The following SPATA24 variants were observed in gnomAD, a reference collection of about 807,000 sequenced individuals.
SPATA24 encodes the protein spermatogenesis-associated protein 24.
SPATA24 carries 21 observed loss-of-function variants against 28.9 expected under a neutral mutation model. The ratio of observed to expected loss-of-function variants is 0.73; its 90% confidence interval spans 0.52 to 1.05. The LOEUF (loss-of-function observed/expected upper bound fraction) is 1.05, where lower values mean the gene tolerates loss of function less well. Ranked by LOEUF, SPATA24 falls within the 50% of genes least tolerant of loss-of-function variation. The probability of loss-of-function intolerance (pLI) is 0.00; values close to 1 mark genes in which losing one functional copy is unlikely to be tolerated. For synonymous variants in SPATA24, 76 were observed against 89.9 expected, an observed-to-expected ratio of 0.85 and a Z score of 0.88; for missense variants, 215 against 242.9, an observed-to-expected ratio of 0.88 and a Z score of 0.76.
At chr5:139,392,825 C>T (rs576130548), downstream of SPATA24, 3 of 1,523,114 alleles carry the variant, frequency 2.0e-6, no homozygotes, top group Non-Finnish European at 2.6e-6. This position sits in a 1 kb window ranked among gnomAD's most constrained non-coding sequence, Gnocchi z 5.8. Context: ...GGGCCGCGCG[C>T]TCGCACTCGC....
chr5:139,396,627 C>A (rs1239810305), downstream of SPATA24: 1 of 1,473,362 alleles, frequency 6.8e-7, no homozygotes. Context: ...GCGGTGGTGC[C>A]TACCAGACAA....
downstream of SPATA24, chr5:139,393,971 G>C (rs777761279): frequency 1.3e-6 from 2 of 1,550,596 alleles, no homozygotes; most frequent in Non-Finnish European, 1.7e-6. Flanking sequence ...GGCGGACTCC[G>C]TGCCCTCTGA....
intron 4 of SPATA24, among the ~76,000 whole-genome samples, chr5:139,397,553 CTTT>C (rs757853919): frequency 2.2e-5 from 3 of 135,520 alleles, no homozygotes; most frequent in African/African-American, 9.8e-5. Flanking sequence ...CCTGCTTTCT[CTTT>C]TTTTTTTTTT....
chr5:139,396,762 G>A (rs1758716955), downstream of SPATA24: 7 of 1,551,580 alleles, frequency 4.5e-6, no homozygotes, highest in Non-Finnish European at 5.2e-6. Context: ...GGCAGAGGCT[G>A]GGGATTACAG....
At chr5:139,392,665 A>G, downstream of SPATA24, 1 of 1,399,798 alleles carries the variant, frequency 7.1e-7, no homozygotes, top group Non-Finnish European at 9.3e-7. The surrounding 1 kb of genome is among the most constrained non-coding windows in gnomAD (Gnocchi z 5.8). Flanking sequence ...GCTGGCTTGC[A>G]TCTGAGGGGA....
intron 1 of SPATA24, 68 bp downstream of exon 1, chr5:139,403,876 G>A: frequency 7.4e-7 from 1 of 1,351,526 alleles, no homozygotes. Context: ...ATCGGAACAG[G>A]TTCTGGCCCC....
chr5:139,394,634 A>G (rs1758661904), downstream of SPATA24: 1 of 1,534,206 alleles, frequency 6.5e-7, no homozygotes, highest in Admixed American at 2.0e-5. Flanking sequence ...GCGGCGGGAG[A>G]CGCTGGCCCC....
rs969407832 is a variant in SPATA24, at chr5:139,403,313, G to A, written c.118-620C>T. ...ACTTAGAATGAGAAGTAGATGTGAAGCCAGTTTTATTTCTGAGATGGAGAT... is the reference window on the plus strand; with the variant it reads ...ACTTAGAATGAGAAGTAGATGTGAAACCAGTTTTATTTCTGAGATGGAGAT... On this transcript the variant is annotated intron_variant, in intron 1 of 5. Coordinates refer to ENST00000450845, the MANE Select transcript of SPATA24 (RefSeq NM_194296.2). Among the ~76,000 whole-genome samples, 8 of 152,222 alleles carry A rather than the reference G, an allele frequency of 5.3e-5. No homozygotes were observed. In the South Asian group the frequency reaches 1.7e-3, roughly 31 times the overall value.
rs1030829827 is a variant in SPATA24, at chr5:139,397,130, G to A, written c.399C>T (p.His133=). Residue 133 remains histidine, a synonymous_variant, in exon 5 of 6, where the codon CAC becomes CAT. Transcript: ENST00000450845. ...LITKCNEIES[H]IIKQEDILNG... is the part of the protein sequence containing the mutation. ...TAAGTATATCTTCTTGCTTTATAATGTGAGACTCAATCTCTGTGGGGGAGA... is the reference window on the plus strand; with the variant it reads ...TAAGTATATCTTCTTGCTTTATAATATGAGACTCAATCTCTGTGGGGGAGA... 2.6e-6 allele frequency: 4 copies of A among 1,551,842 alleles called. No individual in the cohort carries two copies. The African/African-American group carries it at 4.1e-5, about 16-fold the overall frequency.
chr5:139,394,489 G>A (rs1427987436), downstream of SPATA24: 1 of 1,421,462 alleles, frequency 7.0e-7, no homozygotes, highest in Non-Finnish European at 9.1e-7. Context: ...CCTGGCGGGC[G>A]CGGCGCCCTC....
At chr5:139,393,837 C>CA, downstream of SPATA24, 1 of 1,551,154 alleles carries the variant, frequency 6.4e-7, no homozygotes, top group Non-Finnish European at 8.7e-7. Flanking sequence ...CCCACGGGGA[C>CA]AGGTTCTGGG....
chr5:139,396,768 T>C lies in SPATA24; in HGVS notation c.*32A>G, dbSNP rs1164856185. 1 of 1,551,638 alleles carries C rather than the reference T, an allele frequency of 6.4e-7. No individual in the cohort carries two copies. Among genetic ancestry groups the C allele is most frequent in the Admixed American group, 2.0e-5 (1 of 50,998 alleles). ...AGCAGAGAAGGCAGAGGCTGGGGAT[T>C]ACAGCCAGAGAACAGGAAAGCGGCG... On this transcript the variant is annotated 3_prime_UTR_variant, in exon 6 of 6. Transcript: ENST00000450845.
downstream of SPATA24, chr5:139,394,735 C>T: frequency 6.5e-7 from 1 of 1,533,012 alleles, no homozygotes; most frequent in Non-Finnish European, 8.7e-7. Flanking sequence ...GGGTCCGACG[C>T]CGAAGATGAC....
At chr5:139,392,942 C>T (rs1396415578), downstream of SPATA24, 3 of 1,518,620 alleles carry the variant, frequency 2.0e-6, no homozygotes, top group Admixed American at 2.2e-5. The surrounding 1 kb of genome is among the most constrained non-coding windows in gnomAD (Gnocchi z 5.8). Flanking sequence ...CGCAGGACCC[C>T]GTTGGGCTGT....
At position 139,401,961 on chromosome 5, in the gene SPATA24, C is replaced by G. The variant is rs758192079; in HGVS notation, c.268G>C (p.Val90Leu). Residue 90 changes from valine to leucine, a missense_variant, in exon 3 of 6, where the codon GTG (valine) becomes CTG (leucine). Coordinates refer to ENST00000450845, the MANE Select transcript of SPATA24 (RefSeq NM_194296.2). ...KLQFALGEVE[V>L]LSKQLEKEKL... ...TCTTTCTCCAGCTGCTTGGATAGCA[C>G]CTCTACCTCTCCGAGGGCAAACTGT... 1.2e-5 allele frequency: 18 copies of G among 1,551,776 alleles called. No individual in the cohort carries two copies. In the South Asian group the frequency reaches 1.8e-4, roughly 15 times the overall value.
rs1010640719 is a variant in SPATA24 at position 139,402,684 on chromosome 5, G to A, written c.127C>T (p.Gln43Ter). The change falls in exon 2 of 6, where the codon CAG becomes TAG. Residue 43 changes from glutamine (Q) to a stop codon, truncating the protein, a stop_gained. Transcript: ENST00000450845. LOFTEE classifies it high-confidence loss of function. ...TCTTTACTGACAAAATTTTCGTCCTGGAGAACCATCTGCAACAGAGCCTGG... is the reference window on the plus strand; with the variant it reads ...TCTTTACTGACAAAATTTTCGTCCTAGAGAACCATCTGCAACAGAGCCTGG... ...IHQLRNVMVLQDENFVSKEEF... is the reference protein window; with the variant it reads ...IHQLRNVMVL The A allele has an allele frequency of 2.6e-6, 4 of 1,551,832 alleles. No individual in the cohort carries two copies. The highest frequency in any genetic ancestry group is 2.6e-6 in the Non-Finnish European group (3 of 1,146,968).
intron 1 of SPATA24, among the ~76,000 whole-genome samples, chr5:139,403,387 TG>T (rs1758863384): frequency 6.6e-6 from 1 of 152,202 alleles, no homozygotes; most frequent in African/African-American, 2.4e-5. Flanking sequence ...AGAAAAACCA[TG>T]AACTCCAGAT....
chr5:139,392,630 G>T (rs1036270963), downstream of SPATA24: 14 of 1,386,752 alleles, frequency 1.0e-5, no homozygotes, highest in Non-Finnish European at 1.3e-5. The surrounding 1 kb of genome is among the most constrained non-coding windows in gnomAD (Gnocchi z 5.8). Flanking sequence ...GGTGTCTTCG[G>T]TTTGGGTGCT....
At chr5:139,393,580 A>C, downstream of SPATA24, 4 of 1,550,942 alleles carry the variant, frequency 2.6e-6, no homozygotes, top group Non-Finnish European at 3.5e-6. Context: ...CCACGGGAAG[A>C]AGGCCGGCGG....
Sources: gnomAD v4.1 joint callset for allele counts (sites outside exome capture counted in the v4.1 genomes callset) on GRCh38, gnomAD v4.1.1 for gene constraint, Gnocchi (gnomAD v3.1) non-coding constraint, MANE v1.5 for transcripts, NCBI Gene and HGNC (gene_info 2026-07-23, HGNC 2026-07-21) for gene names.